PLD1: variants seen among roughly 807,000 people sequenced by gnomAD.
PLD1 encodes phospholipase D1.
In PLD1, 112 loss-of-function variants were observed where a neutral mutation model predicts 137.1. The ratio of observed to expected loss-of-function variants is 0.82; its 90% CI spans 0.70 to 0.96. The LOEUF (loss-of-function observed/expected upper bound fraction) is 0.96, where lower values mean the gene tolerates loss of function less well. PLD1 is among the 40% of genes least tolerant of loss of function. The probability of loss-of-function intolerance (pLI) is 0.00; values close to 1 mark genes in which losing one functional copy is unlikely to be tolerated. For synonymous variants in PLD1, 431 were observed against 454.7 expected (o/e 0.95, Z 0.66); for missense variants, 1,321 against 1,342.0 (o/e 0.98, Z 0.24).
chr3:171,697,237 CTTTTT>C (rs34340739), intron 12 of PLD1, among the ~76,000 whole-genome samples: 1 of 97,316 alleles, frequency 1.0e-5, no homozygotes, highest in African/African-American at 3.9e-5. Flanking sequence ...TTCCGGACAC[CTTTTT>C]TTTTTTTTTT....
At chr3:171,759,717 G>A (rs916860763) in intron 1 of PLD1, among the ~76,000 whole-genome samples, 2 of 152,228 alleles carry the variant, frequency 1.3e-5, no homozygotes, top group Admixed American at 1.3e-4. Flanking sequence ...TTTGTTTCAT[G>A]TAGCATAATC....
At chr3:171,758,283 G>A (rs1004194664) in intron 1 of PLD1, among the ~76,000 whole-genome samples, 1 of 152,188 alleles carries the variant, frequency 6.6e-6, no homozygotes, top group Non-Finnish European at 1.5e-5. Flanking sequence ...CTCAGCTGGT[G>A]GGTGGCAGAA....
chr3:171,769,981 A>C (rs1401632533), intron 1 of PLD1, among the ~76,000 whole-genome samples: 1 of 152,226 alleles, frequency 6.6e-6, no homozygotes, highest in Non-Finnish European at 1.5e-5. Flanking sequence ...AAGTGTTGCA[A>C]ACTTTAAAAC....
chr3:171,672,489 AT>A (rs1163775544), intron 19 of PLD1, among the ~76,000 whole-genome samples: 1 of 124,538 alleles, frequency 8.0e-6, no homozygotes, highest in Non-Finnish European at 1.7e-5. Context: ...TTTAGTTTTT[AT>A]TTTTATTTTT....
intron 1 of PLD1, among the ~76,000 whole-genome samples, chr3:171,741,684 G>C (rs1407930137): frequency 6.6e-6 from 1 of 152,172 alleles, no homozygotes; most frequent in African/African-American, 2.4e-5. Flanking sequence ...AAGCAAATAA[G>C]GGTTTTTTTA....
At chr3:171,700,034 T>C (rs548269650) in intron 11 of PLD1, among the ~76,000 whole-genome samples, 1 of 148,600 alleles carries the variant, frequency 6.7e-6, no homozygotes, top group Non-Finnish European at 1.5e-5. Flanking sequence ...TCTTAGTTCT[T>C]TCTCTCTCTC....
At position 171,700,130 on chromosome 3, in the gene PLD1, A is replaced by T. The variant is rs375859259; in HGVS notation, c.1146-304T>A. Among the ~76,000 whole-genome samples, 117 of 150,010 alleles carry T rather than the reference A, an allele frequency of 7.8e-4. 1 individual carries two copies. The highest frequency in any genetic ancestry group is 2.8e-3 in the African/African-American group (115 of 40,506). ...TACTGTTGGTTGCCCACCCACAGCC[A>T]ATCTCCAACTTCTTCCCTGCTCTCA... On this transcript the variant is annotated intron_variant, in intron 11 of 26. Coordinates refer to ENST00000351298, the MANE Select transcript of PLD1 (RefSeq NM_002662.5).
intron 12 of PLD1, among the ~76,000 whole-genome samples, chr3:171,692,750 A>G (rs895234003): frequency 7.2e-5 from 11 of 151,804 alleles, no homozygotes; most frequent in Non-Finnish European, 1.3e-4. Flanking sequence ...CAAATTCCTG[A>G]CCTCAAGTGA....
chr3:171,728,358 T>A (rs1333285509), intron 6 of PLD1, among the ~76,000 whole-genome samples: 1 of 144,648 alleles, frequency 6.9e-6, no homozygotes, highest in Non-Finnish European at 1.5e-5. Context: ...TCTTTACATT[T>A]CATTTCTTAT....
intron 11 of PLD1, among the ~76,000 whole-genome samples, chr3:171,706,132 A>ATCTC (rs142612841): frequency 1.3e-5 from 2 of 149,934 alleles, no homozygotes; most frequent in Admixed American, 1.3e-4. Flanking sequence ...CAGTCTATCT[A>ATCTC]TCTATCTATC....
intron 26 of PLD1, among the ~76,000 whole-genome samples, chr3:171,604,563 C>CA (rs1338848882): frequency 1.3e-5 from 2 of 152,028 alleles, no homozygotes; most frequent in East Asian, 3.9e-4. Flanking sequence ...GAATAGTTTT[C>CA]CCTGATGGGC....
At chr3:171,782,199 G>GA (rs1268703800) in intron 1 of PLD1, among the ~76,000 whole-genome samples, 3 of 152,256 alleles carry the variant, frequency 2.0e-5, no homozygotes, top group South Asian at 2.1e-4. Flanking sequence ...CATATTGTGG[G>GA]AAAAAAATCA....
At chr3:171,623,055 T>C (rs7612499) in intron 23 of PLD1, among the ~76,000 whole-genome samples, 38,663 of 151,810 alleles carry the variant, frequency 0.25, 5,285 homozygotes, top group Admixed American at 0.31. Context: ...AATGGAAAGA[T>C]TGCTCTTGTT....
intron 1 of PLD1, chr3:171,809,333 TG>T (rs1724016785): frequency 6.6e-6 from 1 of 152,224 alleles, no homozygotes; most frequent in African/African-American, 2.4e-5. Flanking sequence ...TGTGTAAATG[TG>T]GGGTCTGTTA....
intron 19 of PLD1, among the ~76,000 whole-genome samples, chr3:171,669,369 A>G (rs546498442): frequency 3.9e-5 from 6 of 152,308 alleles, no homozygotes; most frequent in African/African-American, 1.4e-4. Flanking sequence ...TTGGTGACCT[A>G]CCCAGAGAAA....
At chr3:171,622,648 T>A (rs1351757864) in intron 23 of PLD1, among the ~76,000 whole-genome samples, 1 of 150,830 alleles carries the variant, frequency 6.6e-6, no homozygotes, top group African/African-American at 2.4e-5. Flanking sequence ...ATAATATATG[T>A]ATTATATATT....
intron 23 of PLD1, among the ~76,000 whole-genome samples, chr3:171,631,481 T>C (rs542349201): frequency 1.4e-3 from 212 of 152,268 alleles, no homozygotes; most frequent in African/African-American, 5.0e-3. Context: ...AGGCCCAAAG[T>C]AGTGATATTC....
At chr3:171,731,512 T>A (rs1317927505) in intron 6 of PLD1, among the ~76,000 whole-genome samples, 1 of 152,166 alleles carries the variant, frequency 6.6e-6, no homozygotes, top group Non-Finnish European at 1.5e-5. Context: ...CTGGGCACGG[T>A]GGCTCACGCC....
Position 171,601,499 on chromosome 3 carries a change from A to G in PLD1, c.*1579T>C, listed in dbSNP as rs1731827422. 1 of 152,068 alleles carries G rather than the reference A, an allele frequency of 6.6e-6. No individual in the cohort carries two copies. Among genetic ancestry groups the G allele is most frequent in the Non-Finnish European group, 1.5e-5 (1 of 68,042 alleles). 9.4% of individuals were successfully genotyped at this position (152,068 alleles called of 1,614,324 possible). ...GAAAAATAAGTTATTTACTTATAAA[A>G]ACATTCATTTTTATTATTGGTTACA... On this transcript the variant is annotated 3_prime_UTR_variant, in exon 27 of 27. Coordinates refer to ENST00000351298, the MANE Select transcript of PLD1 (RefSeq NM_002662.5).
Sources: gnomAD v4.1 joint callset for allele counts (sites outside exome capture counted in the v4.1 genomes callset) on GRCh38, gnomAD v4.1.1 for gene constraint, MANE v1.5 for transcripts, NCBI Gene and HGNC (gene_info 2026-07-23, HGNC 2026-07-21) for gene names.